Variants in RIMBP2 observed in about 807,000 individuals in gnomAD.
The protein encoded by RIMBP2 is RIMS-binding protein 2.
Under a neutral mutation model 118.6 loss-of-function variants are expected in RIMBP2, and 48 were observed. That is an observed-to-expected ratio of 0.40 (90% CI 0.32 to 0.51). RIMBP2 has a LOEUF of 0.51. RIMBP2 is among the 20% of genes least tolerant of loss of function. The pLI is 0.41. For missense variants in RIMBP2, 1,551 were observed against 1,768.3 expected (o/e 0.88, Z 2.20); for synonymous variants, 762 against 742.9 (o/e 1.03, Z -0.42).
chr12:130,699,923 A>AAG (rs969968400), intron 1 of RIMBP2, among the ~76,000 whole-genome samples: 7 of 147,102 alleles, frequency 4.8e-5, no homozygotes, highest in Non-Finnish European at 1.0e-4. Flanking sequence ...AAAAAAAAAA[A>AAG]AAAAAAGAAA....
chr12:130,687,230 C>T (rs1365491646), intron 1 of RIMBP2, among the ~76,000 whole-genome samples: 3 of 152,192 alleles, frequency 2.0e-5, no homozygotes, highest in Non-Finnish European at 4.4e-5. Flanking sequence ...CTGGTCACAT[C>T]CAAGCGCCTC....
intron 2 of RIMBP2, among the ~76,000 whole-genome samples, chr12:130,567,535 G>C (rs2057311993): frequency 6.6e-6 from 1 of 152,184 alleles, no homozygotes; most frequent in Non-Finnish European, 1.5e-5. Context: ...GACAGAACGG[G>C]GGAGAGGGAG....
At chr12:130,640,649 A>G (rs572542752) in intron 1 of RIMBP2, among the ~76,000 whole-genome samples, 2 of 152,142 alleles carry the variant, frequency 1.3e-5, no homozygotes, top group Non-Finnish European at 2.9e-5. Flanking sequence ...TACGAGGGAG[A>G]CACCACGGCC....
rs1014890363 is a variant in RIMBP2 at position 130,431,443 on chromosome 12, G to A, written c.2254-3106C>T. On this transcript the variant is annotated intron_variant, in intron 14 of 22. Transcript: ENST00000690449. The surrounding 1 kb of genome is among the most constrained non-coding windows in gnomAD (Gnocchi z 4.0). ...GTCATGATGCGTCACCTAGCCAGAC[G>A]CCATCTGTATGATTAATGAATGTAT... 7.3e-6 allele frequency: 3 copies of A among 412,290 alleles called. No individual in the cohort carries two copies. Among genetic ancestry groups the A allele is most frequent in the South Asian group, 3.6e-5 (2 of 56,160 alleles). 25.5% of individuals were successfully genotyped at this position (412,290 alleles called of 1,614,324 possible). A position where few individuals can be genotyped will look rare whatever the true frequency, so the allele number is the denominator to read the frequency against.
intron 2 of RIMBP2, among the ~76,000 whole-genome samples, chr12:130,606,730 G>A (rs1029755148): frequency 6.6e-6 from 1 of 152,154 alleles, no homozygotes; most frequent in African/African-American, 2.4e-5. Flanking sequence ...AATATGACCT[G>A]TGTGAAGAAT....
At chr12:130,459,736 G>C (rs1279623602) in intron 6 of RIMBP2, among the ~76,000 whole-genome samples, 1 of 152,070 alleles carries the variant, frequency 6.6e-6, no homozygotes, top group Non-Finnish European at 1.5e-5. Flanking sequence ...AGGGCAGGCT[G>C]TCTGCTCTCA....
rs764695875 is a variant in RIMBP2, at chr12:130,446,020, C to CT, written c.582-752_582-751insA. On this transcript the variant is annotated intron_variant, in intron 9 of 22. Transcript: ENST00000690449. The surrounding 1 kb of genome is among the most constrained non-coding windows in gnomAD (Gnocchi z 4.1). ...AAAAACAGACGCATGATTTTATGCTCCCCCCCCCCACACCCCCAGGAATAT... is the reference window on the plus strand; with the variant it reads ...AAAAACAGACGCATGATTTTATGCTCTCCCCCCCCCACACCCCCAGGAATAT... Among the ~76,000 whole-genome samples, 14 of 4,488 alleles carry CT rather than the reference C, an allele frequency of 3.1e-3. No individual in the cohort carries two copies. In the East Asian group the frequency reaches 0.06, roughly 19 times the overall value. 2.9% of individuals were successfully genotyped at this position (4,488 alleles called of 152,430 possible). A position where few individuals can be genotyped will look rare whatever the true frequency, so the allele number is the denominator to read the frequency against.
At position 130,433,666 on chromosome 12, in the gene RIMBP2, A is replaced by G. The variant is rs151179136; in HGVS notation, c.2253+1068T>C. On this transcript the variant is annotated intron_variant, in intron 14 of 22. Transcript: ENST00000690449. ...GTCTGCTCAGCGAGATGTCATAGAA[A>G]GTCTGACTGGAAGGAAGTCTGGCTT... Among the ~76,000 whole-genome samples, 142 of 152,308 alleles carry G rather than the reference A, an allele frequency of 9.3e-4. 1 individual carries two copies. In the South Asian group the frequency reaches 0.015, roughly 16 times the overall value.
At chr12:130,690,332 A>T (rs73454553) in intron 1 of RIMBP2, among the ~76,000 whole-genome samples, 321 of 152,254 alleles carry the variant, frequency 2.1e-3, no homozygotes, top group African/African-American at 7.1e-3. Flanking sequence ...CTTGCTGGGC[A>T]CTGCTAGGGG....
intron 2 of RIMBP2, among the ~76,000 whole-genome samples, chr12:130,537,112 T>C (rs2054150282): frequency 6.6e-6 from 1 of 152,142 alleles, no homozygotes; most frequent in Non-Finnish European, 1.5e-5. Flanking sequence ...AGATGCAGTG[T>C]GGTGTCTTGG....
intron 2 of RIMBP2, among the ~76,000 whole-genome samples, chr12:130,608,115 T>C (rs2060296186): frequency 6.6e-6 from 1 of 152,174 alleles, no homozygotes; most frequent in Non-Finnish European, 1.5e-5. Context: ...ATGTCTGACC[T>C]CCCAGCCCCT....
intron 1 of RIMBP2, among the ~76,000 whole-genome samples, chr12:130,657,500 C>T (rs544543181): frequency 2.6e-5 from 4 of 152,334 alleles, no homozygotes; most frequent in South Asian, 4.1e-4. Context: ...TGGATATTCT[C>T]ATAACTAAAC....
chr12:130,600,101 T>G (rs1412004980), intron 2 of RIMBP2, among the ~76,000 whole-genome samples: 2 of 152,208 alleles, frequency 1.3e-5, no homozygotes, highest in Non-Finnish European at 1.5e-5. Context: ...GTGTACATCT[T>G]ACACATATTG....
chr12:130,477,740 C>G (rs906661416), intron 5 of RIMBP2, among the ~76,000 whole-genome samples: 2 of 152,226 alleles, frequency 1.3e-5, no homozygotes, highest in East Asian at 3.9e-4. Flanking sequence ...ATTCCTATCG[C>G]CCCCCAGGCT....
intron 4 of RIMBP2, among the ~76,000 whole-genome samples, chr12:130,500,301 T>C (rs2049618717): frequency 6.6e-6 from 1 of 151,990 alleles, no homozygotes; most frequent in Non-Finnish European, 1.5e-5. Flanking sequence ...CTACTAAAAA[T>C]ACAAAAATTA....
intron 1 of RIMBP2, among the ~76,000 whole-genome samples, chr12:130,711,868 G>C (rs535690155): frequency 1.3e-5 from 2 of 152,208 alleles, no homozygotes; most frequent in Admixed American, 1.3e-4. Flanking sequence ...ACACACGCCC[G>C]GGCCGCACAG....
intron 1 of RIMBP2, among the ~76,000 whole-genome samples, chr12:130,689,153 G>A (rs947680890): frequency 1.1e-4 from 16 of 152,160 alleles, no homozygotes; most frequent in Non-Finnish European, 4.4e-5. Context: ...AACATGAGGG[G>A]CTCCCGTGTC....
At chr12:130,399,398 T>A (rs1449084543) in intron 22 of RIMBP2, among the ~76,000 whole-genome samples, 1 of 152,190 alleles carries the variant, frequency 6.6e-6, no homozygotes, top group Non-Finnish European at 1.5e-5. Context: ...TCACTCTTGA[T>A]CAAACTGAAA....
chr12:130,453,097 A>C (rs760432605), intron 7 of RIMBP2, among the ~76,000 whole-genome samples: 17 of 152,124 alleles, frequency 1.1e-4, no homozygotes, highest in Admixed American at 3.3e-4. Context: ...AAAAATGTTG[A>C]CTCAAAAAAC....
Sources: gnomAD v4.1 joint callset for allele counts (sites outside exome capture counted in the v4.1 genomes callset) on GRCh38, gnomAD v4.1.1 for gene constraint, Gnocchi (gnomAD v3.1) non-coding constraint, MANE v1.5 for transcripts, NCBI Gene and HGNC (gene_info 2026-07-23, HGNC 2026-07-21) for gene names.